The following SCFD2 variants were observed in gnomAD, a reference collection of about 807,000 sequenced individuals.
SCFD2 encodes the protein sec1 family domain containing 2, also known as sec1 family domain-containing protein 2.
Under a neutral mutation model 58.9 loss-of-function variants are expected in SCFD2, and 54 were observed. That is an observed-to-expected ratio of 0.92 (90% CI 0.74 to 1.15). The LOEUF is 1.15. Ranked by LOEUF, SCFD2 falls within the 50% of genes most tolerant of loss-of-function variation. The pLI is 0.00. For missense variants in SCFD2, 805 were observed against 836.6 expected, an observed-to-expected ratio of 0.96 and a Z score of 0.47; for synonymous variants, 321 against 335.9, an observed-to-expected ratio of 0.96 and a Z score of 0.49.
At chr4:53,151,760 C>T (rs1405716450) in intron 4 of SCFD2, among the ~76,000 whole-genome samples, 7 of 152,278 alleles carry the variant, frequency 4.6e-5, no homozygotes, top group South Asian at 2.1e-4. Flanking sequence ...TGGTACTTTA[C>T]GAGGAAAAGA....
chr4:52,901,020 G>A (rs930359678), intron 7 of SCFD2, among the ~76,000 whole-genome samples: 8 of 152,152 alleles, frequency 5.3e-5, no homozygotes, highest in Non-Finnish European at 7.4e-5. Flanking sequence ...GGAGTGACCC[G>A]ATTTTCCAGG....
chr4:52,906,181 C>T (rs1309957077), intron 7 of SCFD2, among the ~76,000 whole-genome samples: 1 of 152,148 alleles, frequency 6.6e-6, no homozygotes, highest in South Asian at 2.1e-4. Context: ...GGCCAGACCC[C>T]CCTGTACAGG....
intron 5 of SCFD2, among the ~76,000 whole-genome samples, chr4:52,958,408 T>C (rs1379755107): frequency 6.6e-6 from 1 of 152,240 alleles, no homozygotes; most frequent in African/African-American, 2.4e-5. Context: ...CTTTCCTCAC[T>C]TATTAATGGA....
At chr4:53,220,392 G>A (rs1729013261) in intron 4 of SCFD2, among the ~76,000 whole-genome samples, 1 of 152,170 alleles carries the variant, frequency 6.6e-6, no homozygotes, top group Non-Finnish European at 1.5e-5. Flanking sequence ...GTTGTGTGAA[G>A]GCAGGGACTC....
chr4:53,275,446 T>C (rs1160750554), intron 3 of SCFD2, among the ~76,000 whole-genome samples: 2 of 152,202 alleles, frequency 1.3e-5, no homozygotes, highest in Non-Finnish European at 2.9e-5. Flanking sequence ...AGCAGCAAGC[T>C]AACAATCTGC....
At chr4:53,047,645 G>A (rs1440836743) in intron 5 of SCFD2, among the ~76,000 whole-genome samples, 9 of 152,130 alleles carry the variant, frequency 5.9e-5, no homozygotes, top group South Asian at 2.1e-4. Context: ...ACCGTCTTAC[G>A]ATTTTAAAAT....
rs1243043996 is a variant in SCFD2, at chr4:52,912,419, TTATC to T, written c.1708-4832_1708-4829del. On this transcript the variant is annotated intron_variant, in intron 6 of 8. Coordinates refer to ENST00000401642, the MANE Select transcript of SCFD2 (RefSeq NM_152540.4). ...TTTAAGCTTTTTAGAACTTTTTTCT[TTATC>T]TATTTTTAATTGTAACCAAAAGCAT... 5.9e-5 allele frequency among the ~76,000 whole-genome samples: 9 copies of T among 152,148 alleles called. No individual in the cohort carries two copies. The South Asian group carries it at 8.3e-4, about 14-fold the overall frequency.
intron 2 of SCFD2, among the ~76,000 whole-genome samples, chr4:53,328,645 T>A (rs1436905212): frequency 6.6e-6 from 1 of 152,050 alleles, no homozygotes; most frequent in Non-Finnish European, 1.5e-5. Context: ...TACCAGAAAA[T>A]ATCAATTAAG....
intron 8 of SCFD2, among the ~76,000 whole-genome samples, chr4:52,880,003 C>T (rs905823612): frequency 2.0e-5 from 3 of 152,200 alleles, no homozygotes; most frequent in Non-Finnish European, 2.9e-5. Context: ...TATAGGCACA[C>T]GCACACATAC....
intron 2 of SCFD2, among the ~76,000 whole-genome samples, chr4:53,335,211 A>AAAAAAAAAAAT (rs1733642355): frequency 7.2e-6 from 1 of 138,582 alleles, no homozygotes; most frequent in Non-Finnish European, 1.5e-5. Context: ...AAAAAAAAAA[A>AAAAAAAAAAAT]AACAACAAAA....
intron 4 of SCFD2, among the ~76,000 whole-genome samples, chr4:53,198,073 C>T (rs1728115065): frequency 6.6e-6 from 1 of 151,982 alleles, no homozygotes; most frequent in Admixed American, 6.6e-5. Context: ...TCACCATGTC[C>T]CAAGATAAAA....
chr4:53,157,290 C>T (rs1726719178), intron 4 of SCFD2, among the ~76,000 whole-genome samples: 1 of 152,064 alleles, frequency 6.6e-6, no homozygotes, highest in Admixed American at 6.5e-5. Context: ...CAAGGTAGAC[C>T]AGCGAATTTT....
At chr4:53,319,737 G>T (rs1732972223) in intron 2 of SCFD2, among the ~76,000 whole-genome samples, 1 of 151,960 alleles carries the variant, frequency 6.6e-6, no homozygotes, top group Non-Finnish European at 1.5e-5. Flanking sequence ...TCACCATGTT[G>T]GCCAGGCTGG....
intron 2 of SCFD2, among the ~76,000 whole-genome samples, chr4:53,337,685 A>C (rs1733726693): frequency 6.6e-6 from 1 of 152,208 alleles, no homozygotes; most frequent in Non-Finnish European, 1.5e-5. Context: ...TCAACAGGAA[A>C]ATGGTAAGGT....
At chr4:53,161,144 T>C (rs569992119) in intron 4 of SCFD2, among the ~76,000 whole-genome samples, 2 of 152,184 alleles carry the variant, frequency 1.3e-5, no homozygotes, top group East Asian at 3.9e-4. Context: ...CCCTACTCCT[T>C]AGAGGGAGGG....
At chr4:53,099,703 C>T (rs1418641154) in intron 5 of SCFD2, among the ~76,000 whole-genome samples, 2 of 152,166 alleles carry the variant, frequency 1.3e-5, no homozygotes, top group Non-Finnish European at 2.9e-5. Context: ...AGAGCAAGTA[C>T]TTACTCCCCC....
intron 5 of SCFD2, among the ~76,000 whole-genome samples, chr4:53,050,111 T>C (rs1206037810): frequency 6.6e-6 from 1 of 152,206 alleles, no homozygotes; most frequent in Non-Finnish European, 1.5e-5. Context: ...AGGTAAGGAA[T>C]TTCTTTCTCT....
chr4:53,312,315 T>C (rs895217154), intron 3 of SCFD2, among the ~76,000 whole-genome samples: 1 of 152,220 alleles, frequency 6.6e-6, no homozygotes, highest in Non-Finnish European at 1.5e-5. Flanking sequence ...ATAAAGTGCA[T>C]ATTACGTGGC....
At chr4:53,080,650 T>A (rs890720393) in intron 5 of SCFD2, among the ~76,000 whole-genome samples, 1 of 152,160 alleles carries the variant, frequency 6.6e-6, no homozygotes, top group African/African-American at 2.4e-5. Context: ...ATTATTCTTA[T>A]ACTCACAATA....
Sources: gnomAD v4.1 joint callset for allele counts (sites outside exome capture counted in the v4.1 genomes callset) on GRCh38, gnomAD v4.1.1 for gene constraint, MANE v1.5 for transcripts, NCBI Gene and HGNC (gene_info 2026-07-23, HGNC 2026-07-21) for gene names.